The following COBLL1 variants were observed in gnomAD, a reference collection of about 807,000 sequenced individuals.
COBLL1 encodes cordon-bleu WH2 repeat protein like 1.
COBLL1 carries 50 observed loss-of-function variants against 94.8 expected under a neutral mutation model. The observed-to-expected ratio is 0.53, with a 90% confidence interval of 0.42 to 0.67. COBLL1 has a LOEUF of 0.67. COBLL1 is among the 30% of genes least tolerant of loss of function. COBLL1 has a pLI of 0.00. For missense variants in COBLL1, 1,362 were observed against 1,348.7 expected, an observed-to-expected ratio of 1.01 and a Z score of -0.15; for synonymous variants, 448 against 473.8, an observed-to-expected ratio of 0.95 and a Z score of 0.71.
intron 5 of COBLL1, chr2:164,727,123 C>T: frequency 1.3e-6 from 2 of 1,503,376 alleles, no homozygotes; most frequent in Non-Finnish European, 1.8e-6. Context: ...AGATGACTTA[C>T]TGAAGACAGT....
At chr2:164,824,862 C>T (rs1009726613) in intron 2 of COBLL1, among the ~76,000 whole-genome samples, 1 of 152,198 alleles carries the variant, frequency 6.6e-6, no homozygotes, top group Non-Finnish European at 1.5e-5. Context: ...TTTAAGATCA[C>T]TCTTGCTATT....
In COBLL1 at chr2:164,695,835, T is replaced by A. The variant is rs1401019566; in HGVS notation, c.1557A>T (p.Val519=). ...LKSLGPNQEN[V]VQNEIIVYPE... is the part of the protein sequence containing the mutation. ...GATAGACAATTATTTCATTTTGAAC[T>A]ACTGAGAGAAAAAAATCATCAAGTT... The change falls in exon 12 of 14, where the codon GTA becomes GTT. Residue 519 remains valine (V), a splice_region_variant and synonymous_variant. Coordinates refer to ENST00000652658, the MANE Select transcript of COBLL1 (RefSeq NM_001365672.2). The A allele has an allele frequency of 6.5e-7, 1 of 1,545,678 alleles. No individual in the cohort carries two copies. Among genetic ancestry groups the A allele is most frequent in the Middle Eastern group, 1.9e-4 (1 of 5,320 alleles).
chr2:164,675,465 G>A (rs1404188398), downstream of COBLL1, among the ~76,000 whole-genome samples: 1 of 152,080 alleles, frequency 6.6e-6, no homozygotes, highest in South Asian at 2.1e-4. Context: ...ATATAGGCTT[G>A]TTCTGCAGAC....
At position 164,773,716 on chromosome 2, in the gene COBLL1, A is replaced by G. The variant is rs774074066; in HGVS notation, c.42-29841T>C. 11 of 1,282,404 alleles carry G rather than the reference A, an allele frequency of 8.6e-6. No individual in the cohort carries two copies. The South Asian group carries it at 1.4e-4, about 16-fold the overall frequency. 79.4% of individuals were successfully genotyped at this position (1,282,404 alleles called of 1,614,324 possible). A position where few individuals can be genotyped will look rare whatever the true frequency, so the allele number is the denominator to read the frequency against. ...CAACGTATTTACTTACAACTGTTCC[A>G]GAAAGTCTCCATAAAACAGTATTGT... is the stretch of plus-strand genomic sequence containing the variant. On this transcript the variant is annotated intron_variant, in intron 2 of 13. Transcript: ENST00000652658.
At chr2:164,800,420 T>G in intron 2 of COBLL1, 1 of 605,136 alleles carries the variant, frequency 1.7e-6, no homozygotes, top group South Asian at 2.1e-5. Context: ...CCAACGATAC[T>G]ATGTTGGTGA....
At chr2:164,752,486 T>C (rs1021781690) in intron 2 of COBLL1, among the ~76,000 whole-genome samples, 4 of 139,442 alleles carry the variant, frequency 2.9e-5, no homozygotes, top group Admixed American at 1.4e-4. Flanking sequence ...TATGTGGTTA[T>C]TGAATATCTT....
rs771033458 is a variant in COBLL1 at position 164,700,551 on chromosome 2, T to A, written c.1431A>T (p.Glu477Asp). Residue 477 changes from glutamate to aspartate, a missense_variant, in exon 10 of 14, where the codon GAA (glutamate) becomes GAT (aspartate). By Grantham distance (45) the Glu-to-Asp change is conservative. Coordinates refer to ENST00000652658, the MANE Select transcript of COBLL1 (RefSeq NM_001365672.2). ...CATCTGTGCTTTTAGTTTCTTGTTT[T>A]TCTTCCATGGAGTTTTGTGAGAACT... ...SGEFSQNSMEEKQETKSTDGQ... is the reference protein window; with the variant it reads ...SGEFSQNSMEDKQETKSTDGQ... 41 of 1,613,604 alleles carry A rather than the reference T, an allele frequency of 2.5e-5. 2 individuals are homozygous for A. In the South Asian group the frequency reaches 4.5e-4, roughly 18 times the overall value.
chr2:164,730,181 A>G, intron 3 of COBLL1, 66 bp from the exon 4 acceptor site: 1 of 1,344,878 alleles, frequency 7.4e-7, no homozygotes, highest in Non-Finnish European at 1.1e-6. Context: ...GCTTGTCTTC[A>G]ATAGATAAAC....
chr2:164,660,112 T>TGGGATGCAAA (rs1289447480), intron 2 of COBLL1, among the ~76,000 whole-genome samples: 4 of 152,292 alleles, frequency 2.6e-5, no homozygotes, highest in African/African-American at 7.2e-5. Flanking sequence ...GACTGGAAAC[T>TGGGATGCAAA]GGGATGCAAG....
At chr2:164,768,076 T>C (rs355846) in intron 2 of COBLL1, among the ~76,000 whole-genome samples, 35,442 of 152,042 alleles carry the variant, frequency 0.23, 4,791 homozygotes, top group African/African-American at 0.37. Flanking sequence ...GGTCACTAGA[T>C]GCAGGATTGC....
chr2:164,765,866 T>C (rs899580341), intron 2 of COBLL1, among the ~76,000 whole-genome samples: 12 of 152,218 alleles, frequency 7.9e-5, no homozygotes, highest in African/African-American at 2.9e-4. Flanking sequence ...GGAAGATCTC[T>C]GAAGTTCTTT....
At chr2:164,668,218 C>T (rs1266470004) in intron 1 of COBLL1, among the ~76,000 whole-genome samples, 1 of 151,918 alleles carries the variant, frequency 6.6e-6, no homozygotes, top group African/African-American at 2.4e-5. Context: ...CCCGCCTTGG[C>T]CTCCCAAAGT....
At chr2:164,687,545 C>G in intron 13 of COBLL1, 2 of 1,273,438 alleles carry the variant, frequency 1.6e-6, no homozygotes, top group Non-Finnish European at 2.3e-6. Flanking sequence ...TGACCCCTGA[C>G]CACAGTGCCC....
intron 7 of COBLL1, among the ~76,000 whole-genome samples, chr2:164,709,791 G>A (rs886425019): frequency 2.0e-5 from 3 of 152,088 alleles, no homozygotes; most frequent in Non-Finnish European, 2.9e-5. Flanking sequence ...TAATTGATAC[G>A]ACGTACAATT....
chr2:164,836,547 G>C (rs1278203539), intron 2 of COBLL1, among the ~76,000 whole-genome samples: 2 of 152,150 alleles, frequency 1.3e-5, no homozygotes, highest in African/African-American at 2.4e-5. Flanking sequence ...CCTTAGAGTT[G>C]TATGACCTTC....
chr2:164,679,709 C>G (rs1574394053), downstream of COBLL1, among the ~76,000 whole-genome samples: 1 of 151,220 alleles, frequency 6.6e-6, no homozygotes, highest in South Asian at 2.1e-4. Context: ...AAACCAAACA[C>G]CGCATAAATG....
At chr2:164,818,783 C>T (rs55662787) in intron 2 of COBLL1, among the ~76,000 whole-genome samples, 44,761 of 117,066 alleles carry the variant, frequency 0.38, 7,681 homozygotes, top group African/African-American at 0.5. Context: ...TATATATATA[C>T]ATATAATTTT....
intron 3 of COBLL1, among the ~76,000 whole-genome samples, chr2:164,741,045 G>T (rs1053516917): frequency 5.3e-5 from 8 of 152,120 alleles, no homozygotes; most frequent in African/African-American, 1.9e-4. Flanking sequence ...GGAGGCTGAG[G>T]TGGGTGGATC....
chr2:164,805,892 T>C (rs1421031590), intron 2 of COBLL1, among the ~76,000 whole-genome samples: 1 of 152,222 alleles, frequency 6.6e-6, no homozygotes, highest in African/African-American at 2.4e-5. Flanking sequence ...TGTTTAGTTT[T>C]GTAAGAAACT....
Sources: gnomAD v4.1 joint callset for allele counts (sites outside exome capture counted in the v4.1 genomes callset) on GRCh38, gnomAD v4.1.1 for gene constraint, MANE v1.5 for transcripts, NCBI Gene and HGNC (gene_info 2026-07-23, HGNC 2026-07-21) for gene names.